IRAG1: variants seen among roughly 807,000 people sequenced by gnomAD.
The protein encoded by IRAG1 is inositol 1,4,5-triphosphate receptor associated 1.
IRAG1 carries 62 observed loss-of-function variants against 106.2 expected under a neutral mutation model. That is an observed-to-expected ratio of 0.58 (90% CI 0.48 to 0.72). The LOEUF (loss-of-function observed/expected upper bound fraction) is 0.72, where lower values mean the gene tolerates loss of function less well. Among genes scored for constraint, IRAG1 ranks in the 30% least tolerant of loss-of-function variants. The pLI is 0.00. For synonymous variants in IRAG1, 462 were observed against 443.9 expected (o/e 1.04, Z -0.51); for missense variants, 1,064 against 1,140.7 (o/e 0.93, Z 0.97).
intron 2 of IRAG1, among the ~76,000 whole-genome samples, chr11:10,634,642 G>T (rs1469872478): frequency 6.6e-6 from 1 of 152,090 alleles, no homozygotes; most frequent in Non-Finnish European, 1.5e-5. Flanking sequence ...AGATCATGCA[G>T]TATTGTCTTT....
chr11:10,595,549 G>A (rs1853204533), intron 15 of IRAG1, among the ~76,000 whole-genome samples: 2 of 151,950 alleles, frequency 1.3e-5, no homozygotes, highest in Admixed American at 1.3e-4. Flanking sequence ...TTGCTTTCCA[G>A]GATTTTTATT....
intron 14 of IRAG1, among the ~76,000 whole-genome samples, chr11:10,601,991 T>C (rs374062690): frequency 6.6e-6 from 1 of 152,236 alleles, no homozygotes; most frequent in South Asian, 2.1e-4. Flanking sequence ...CATACCCCAG[T>C]TAGATCCCTC....
Position 10,626,211 on chromosome 11 carries a change from C to G in IRAG1, c.1123G>C (p.Gly375Arg). ...PAGEPMGPEA[G>R]SKAELPPTVS... ...GTGGGTGGAAGCTCAGCTTTGGAGC[C>G]AGCCTCGGGCCCCATCGGCTCTCCA... Residue 375 changes from glycine (G) to arginine (R), a missense_variant, in exon 9 of 21, where the codon GGC (glycine) becomes CGC (arginine). Physicochemically the swap from Gly to Arg is moderately radical, Grantham distance 125 (BLOSUM62 -2). Transcript: ENST00000423302. The G allele has an allele frequency of 6.3e-7, 1 of 1,581,402 alleles. No individual in the cohort carries two copies. Among genetic ancestry groups the G allele is most frequent in the Non-Finnish European group, 8.6e-7 (1 of 1,161,582 alleles).
intron 12 of IRAG1, 106 bp downstream of exon 12, chr11:10,606,636 C>T: frequency 8.5e-7 from 1 of 1,182,738 alleles, no homozygotes; most frequent in Non-Finnish European, 1.2e-6. Context: ...CACTCTTTCT[C>T]ATTTTTGTCT....
chr11:10,596,267 G>A (rs1334809073), intron 15 of IRAG1, among the ~76,000 whole-genome samples: 1 of 152,206 alleles, frequency 6.6e-6, no homozygotes, highest in Non-Finnish European at 1.5e-5. Flanking sequence ...TCTCCAAATA[G>A]TCTTTACCAA....
intron 1 of IRAG1, among the ~76,000 whole-genome samples, chr11:10,664,732 G>C (rs1859661060): frequency 6.6e-6 from 1 of 152,226 alleles, no homozygotes; most frequent in African/African-American, 2.4e-5. Flanking sequence ...AAGAACCAAT[G>C]AGATGCAAGA....
At chr11:10,643,176 CAA>C (rs10679269) in intron 2 of IRAG1, among the ~76,000 whole-genome samples, 4 of 60,244 alleles carry the variant, frequency 6.6e-5, no homozygotes, top group Admixed American at 4.6e-4. Context: ...GACTCCGTCT[CAA>C]AAAAAAAAAA....
In IRAG1 at chr11:10,665,005, G is replaced by T. The variant is rs1240545415; in HGVS notation, c.68-12823C>A. Among the ~76,000 whole-genome samples, 1 of 152,056 alleles carries T rather than the reference G, an allele frequency of 6.6e-6. No homozygotes were observed. The highest frequency in any genetic ancestry group is 1.5e-5 in the Non-Finnish European group (1 of 68,016). On this transcript the variant is annotated intron_variant, in intron 1 of 20. Transcript: ENST00000423302. The surrounding 1 kb of genome is among the most constrained non-coding windows in gnomAD (Gnocchi z 4.2). Reference sequence around the variant, plus strand: ...CCTTTTTTCTTAAGCTGGCTTGTACGAGCTTTTTTGGCACTTGCAATAAAG... The same window carrying T: ...CCTTTTTTCTTAAGCTGGCTTGTACTAGCTTTTTTGGCACTTGCAATAAAG...
chr11:10,645,218 T>G (rs538386303), intron 2 of IRAG1, among the ~76,000 whole-genome samples: 1 of 152,194 alleles, frequency 6.6e-6, no homozygotes, highest in African/African-American at 2.4e-5. Context: ...ACCATGTGTA[T>G]GTGAATAATC....
intron 11 of IRAG1, 122 bp from the exon 12 acceptor site, chr11:10,606,894 G>A (rs1854522660): frequency 1.2e-6 from 1 of 843,486 alleles, no homozygotes; most frequent in Admixed American, 3.3e-5. Flanking sequence ...TGGTGAGAAG[G>A]AAAAGATGCA....
In IRAG1 at chr11:10,626,100, T is replaced by G; in HGVS notation, c.1234A>C (p.Lys412Gln). The G allele has an allele frequency of 6.5e-7, 1 of 1,545,718 alleles. No homozygotes were observed. Among genetic ancestry groups the G allele is most frequent in the Non-Finnish European group, 8.7e-7 (1 of 1,145,616 alleles). Residue 412 changes from lysine to glutamine, a missense_variant, in exon 9 of 21, where the codon AAG becomes CAG. Physicochemically the swap from Lys to Gln is moderately conservative, Grantham distance 53. Transcript: ENST00000423302. Reference sequence around the variant, plus strand: ...TTTTCTTCCTCTGCCAGTGGCAGCTTGGCAAGCACTTTCTGCAGCCGGGGG... The same window carrying G: ...TTTTCTTCCTCTGCCAGTGGCAGCTGGGCAAGCACTTTCTGCAGCCGGGGG... Reference protein sequence around the residue: ...PGPRLQKVLAKLPLAEEEKRF... With the variant: ...PGPRLQKVLAQLPLAEEEKRF...
rs1377174711 is a variant in IRAG1, at chr11:10,603,013, G to T, written c.1875+107C>A. On this transcript the variant is annotated intron_variant, in intron 14 of 20. Coordinates refer to ENST00000423302, the MANE Select transcript of IRAG1 (RefSeq NM_130385.4). ...TGATGTGCATAGGATGCCTGGCCCA[G>T]AGGAAGCCACCTCTAAGTGGTATCT... The T allele has an allele frequency of 3.7e-6, 5 of 1,350,316 alleles. No individual in the cohort carries two copies. In the East Asian group the frequency reaches 1.3e-4, roughly 34 times the overall value. The allele number at this position is 1,350,316 out of a possible 1,614,324, so 83.6% of individuals were successfully genotyped here.
chr11:10,596,848 C>T (rs1853370183), intron 15 of IRAG1, among the ~76,000 whole-genome samples: 1 of 152,146 alleles, frequency 6.6e-6, no homozygotes, highest in South Asian at 2.1e-4. Context: ...ATAAGCAACT[C>T]CAAAGTATTA....
chr11:10,628,926 G>C lies in IRAG1; in HGVS notation c.575-98C>G. On this transcript the variant is annotated intron_variant, in intron 5 of 20. Coordinates refer to ENST00000423302, the MANE Select transcript of IRAG1 (RefSeq NM_130385.4). This position sits in a 1 kb window ranked among gnomAD's most constrained non-coding sequence, Gnocchi z 4.1. ...AGGTATTCCCAGGCCCTGGGAACTG[G>C]GTCTGCCTTGCTGGGCTCAGGGGCT... 8.4e-7 allele frequency: 1 copy of C among 1,187,186 alleles called. No individual in the cohort carries two copies. The highest frequency in any genetic ancestry group is 1.2e-6 in the Non-Finnish European group (1 of 837,766). The allele number at this position is 1,187,186 out of a possible 1,614,324, so 73.5% of individuals were successfully genotyped here.
chr11:10,642,549 A>G (rs1234668503), intron 2 of IRAG1, among the ~76,000 whole-genome samples: 1 of 152,222 alleles, frequency 6.6e-6, no homozygotes, highest in Non-Finnish European at 1.5e-5. Context: ...CCCTGCTGGA[A>G]GGCAATGTGG....
chr11:10,668,520 AT>A, intron 1 of IRAG1, among the ~76,000 whole-genome samples: 1 of 152,306 alleles, frequency 6.6e-6, no homozygotes, highest in South Asian at 2.1e-4. Context: ...ACAACCATTC[AT>A]TTGTATATTG....
At chr11:10,600,493 T>C (rs952190419) in intron 15 of IRAG1, among the ~76,000 whole-genome samples, 3 of 152,212 alleles carry the variant, frequency 2.0e-5, no homozygotes, top group Non-Finnish European at 4.4e-5. Flanking sequence ...ATCAAGTCAT[T>C]TTCTTGATTA....
At chr11:10,660,264 T>C (rs1859289715) in intron 1 of IRAG1, among the ~76,000 whole-genome samples, 1 of 152,226 alleles carries the variant, frequency 6.6e-6, no homozygotes, top group African/African-American at 2.4e-5. Flanking sequence ...TGAACTCACA[T>C]TAAACAAAAA....
At chr11:10,633,141 C>G (rs1295805529) in intron 3 of IRAG1, among the ~76,000 whole-genome samples, 2 of 140,836 alleles carry the variant, frequency 1.4e-5, no homozygotes, top group Non-Finnish European at 3.0e-5. Context: ...GTGGCGCGAT[C>G]TGGGCTCACT....
Sources: gnomAD v4.1 joint callset for allele counts (sites outside exome capture counted in the v4.1 genomes callset) on GRCh38, gnomAD v4.1.1 for gene constraint, Gnocchi (gnomAD v3.1) non-coding constraint, MANE v1.5 for transcripts, NCBI Gene and HGNC (gene_info 2026-07-23, HGNC 2026-07-21) for gene names.